Variants in DMXL1 observed in about 807,000 individuals in gnomAD.
The protein encoded by DMXL1 is Dmx like 1.
DMXL1 carries 99 observed loss-of-function variants against 319.2 expected under a neutral mutation model. The observed-to-expected ratio is 0.31, with a 90% CI of 0.26 to 0.37. The LOEUF (loss-of-function observed/expected upper bound fraction) is 0.37. Among genes scored for constraint, DMXL1 ranks in the 10% least tolerant of loss-of-function variants. The pLI, the probability that DMXL1 is intolerant of heterozygous loss-of-function variation, is 1.00. For missense variants in DMXL1, 3,745 were observed against 3,595.6 expected (o/e 1.04, Z -1.06); for synonymous variants, 1,385 against 1,235.2 (o/e 1.12, Z -2.54).
chr5:119,150,371 C>A lies in DMXL1; in HGVS notation c.4544C>A (p.Thr1515Lys), dbSNP rs771418566. 1.2e-6 allele frequency: 2 copies of A among 1,613,670 alleles called. No homozygotes were observed. The highest frequency in any genetic ancestry group is 1.3e-5 in the African/African-American group (1 of 75,010). ...ATGTCTTTGATGGCCTTAGCAGATACAATTGCAACTACAAGCACTGATATT... is the reference window on the plus strand; with the variant it reads ...ATGTCTTTGATGGCCTTAGCAGATAAAATTGCAACTACAAGCACTGATATT... ...EQMSLMALADTIATTSTDIGE... is the reference protein window; with the variant it reads ...EQMSLMALADKIATTSTDIGE... Residue 1515 changes from threonine (T) to lysine (K), a missense_variant, in exon 18 of 44, where the codon ACA (threonine) becomes AAA (lysine). Thr to Lys is a moderately conservative substitution (Grantham distance 78). This residue lies in a region of DMXL1 where 2,096 missense variants were observed against 1,985.4 expected (regional missense o/e 1.06). Coordinates refer to ENST00000539542, the MANE Select transcript of DMXL1 (RefSeq NM_001290321.3).
rs1420631991 is a variant in DMXL1 at position 119,165,938 on chromosome 5, AG to A, written c.4970+661del. On this transcript the variant is annotated intron_variant, in intron 21 of 43. Transcript: ENST00000539542. ...TAAACCAGAAACTTATGCTTGGGACAGGGAAGAAGATGAATTAAATGGTGGA... is the reference window on the plus strand; with the variant it reads ...TAAACCAGAAACTTATGCTTGGGACAGGAAGAAGATGAATTAAATGGTGGA... Among the ~76,000 whole-genome samples the A allele has an allele frequency of 2.0e-5, 3 of 152,352 alleles. No homozygotes were observed. In the East Asian group the frequency reaches 5.8e-4, roughly 29 times the overall value.
chr5:119,125,994 C>A (rs1483909981), intron 9 of DMXL1, among the ~76,000 whole-genome samples: 1 of 151,998 alleles, frequency 6.6e-6, no homozygotes, highest in Non-Finnish European at 1.5e-5. Flanking sequence ...CTGTGTTAGA[C>A]TAAATTATGT....
intron 6 of DMXL1, 113 bp from the exon 7 acceptor site, chr5:119,116,045 C>T: frequency 1.1e-6 from 1 of 935,404 alleles, no homozygotes; most frequent in East Asian, 2.6e-5. Context: ...TGCTCAACGT[C>T]TCTTCCCATC....
chr5:119,097,948 T>A, intron 1 of DMXL1, 31 bp from the exon 2 acceptor site: 1 of 1,546,304 alleles, frequency 6.5e-7, no homozygotes, highest in Non-Finnish European at 8.8e-7. Flanking sequence ...TCCTTGACAC[T>A]TTTATCATTT....
At chr5:119,217,576 G>C (rs1460319885) in intron 35 of DMXL1, among the ~76,000 whole-genome samples, 1 of 152,002 alleles carries the variant, frequency 6.6e-6, no homozygotes, top group Non-Finnish European at 1.5e-5. Context: ...GGTTCCTAAT[G>C]ACTTCTAGTT....
intron 28 of DMXL1, among the ~76,000 whole-genome samples, chr5:119,183,633 T>C (rs1303685935): frequency 1.3e-5 from 2 of 151,910 alleles, no homozygotes; most frequent in South Asian, 4.2e-4. Context: ...CCACCACACC[T>C]GGCTAATTTT....
intron 38 of DMXL1, among the ~76,000 whole-genome samples, chr5:119,227,002 A>G (rs1311075828): frequency 2.0e-5 from 3 of 152,274 alleles, no homozygotes; most frequent in South Asian, 2.1e-4. Context: ...AAGAGTTTTT[A>G]TAGAACTTAA....
At chr5:119,219,126 A>G (rs1784203273) in intron 35 of DMXL1, among the ~76,000 whole-genome samples, 2 of 152,168 alleles carry the variant, frequency 1.3e-5, no homozygotes, top group Admixed American at 6.5e-5. Flanking sequence ...AGCACTTTAC[A>G]CTGGTTGCCT....
At chr5:119,090,113 C>T (rs1034042424) in intron 1 of DMXL1, among the ~76,000 whole-genome samples, 18 of 132,942 alleles carry the variant, frequency 1.4e-4, no homozygotes, top group African/African-American at 2.5e-4. Flanking sequence ...CTCTGCCTCC[C>T]GGGTTCAAGT....
At position 119,110,260 on chromosome 5, in the gene DMXL1, T is replaced by C; in HGVS notation, c.474T>C (p.Asp158=). The change falls in exon 5 of 44, where the codon GAT becomes GAC. Residue 158 remains aspartate (D), a synonymous_variant. Coordinates refer to ENST00000539542, the MANE Select transcript of DMXL1 (RefSeq NM_001290321.3). ...NLNKTDLNFG[D]WKCIWHCKTA... is the part of the protein sequence containing the mutation. ...ATAAAACAGATCTTAACTTTGGAGA[T>C]TGGAAATGCATTTGGCATTGCAAGT... The C allele has an allele frequency of 1.9e-6, 3 of 1,573,560 alleles. No homozygotes were observed. The highest frequency in any genetic ancestry group is 1.2e-5 in the South Asian group (1 of 83,764).
intron 13 of DMXL1, among the ~76,000 whole-genome samples, chr5:119,142,517 T>TAAA (rs148846123): frequency 5.1e-4 from 32 of 62,270 alleles, no homozygotes; most frequent in Non-Finnish European, 4.1e-4. Context: ...TATTAAAAAG[T>TAAA]AAAAAAAAAA....
At chr5:119,215,875 C>T (rs796133699) in intron 34 of DMXL1, among the ~76,000 whole-genome samples, 41 of 152,078 alleles carry the variant, frequency 2.7e-4, no homozygotes, top group African/African-American at 8.2e-4. Flanking sequence ...GTGGCCAAAT[C>T]ACCTGAAGTC....
In DMXL1 at chr5:119,076,329, GTTT is replaced by G. The variant is rs1157212198; in HGVS notation, c.87+4675_87+4677del. On this transcript the variant is annotated intron_variant, in intron 1 of 43. Transcript: ENST00000539542. ...AATAAGCATCCTTGAGTTTAGCTCTGTTTTGTTTACTTTAAGGAAACCTTTATT... is the reference window on the plus strand; with the variant it reads ...AATAAGCATCCTTGAGTTTAGCTCTGTGTTTACTTTAAGGAAACCTTTATT... 2.0e-5 allele frequency among the ~76,000 whole-genome samples: 3 copies of G among 151,962 alleles called. No individual in the cohort carries two copies. In the East Asian group the frequency reaches 5.8e-4, roughly 29 times the overall value.
At chr5:119,165,304 A>T in intron 21 of DMXL1, 24 bp downstream of exon 21, 1 of 965,748 alleles carries the variant, frequency 1.0e-6, no homozygotes, top group Non-Finnish European at 1.5e-6. Context: ...AAAAAAAAAA[A>T]GGGTGCTTCA....
intron 2 of DMXL1, 95 bp downstream of exon 2, chr5:119,098,199 T>C: frequency 7.1e-7 from 1 of 1,414,668 alleles, no homozygotes. Flanking sequence ...ATTAGAGACT[T>C]GGCTTTGTTT....
chr5:119,205,738 A>T (rs562092875), intron 33 of DMXL1, among the ~76,000 whole-genome samples: 1 of 152,206 alleles, frequency 6.6e-6, no homozygotes, highest in Admixed American at 6.6e-5. Context: ...ATAGTAAAGC[A>T]TAGATTTGAA....
At chr5:119,129,182 T>G (rs1334067145) in intron 9 of DMXL1, 29 bp from the exon 10 acceptor site, 1 of 1,442,138 alleles carries the variant, frequency 6.9e-7, no homozygotes, top group African/African-American at 1.4e-5. Context: ...AGGTAAAAAT[T>G]TTAATTTTAT....
chr5:119,189,930 G>T (rs1778413759), intron 29 of DMXL1, 44 bp downstream of exon 29: 1 of 1,535,274 alleles, frequency 6.5e-7, no homozygotes, highest in Admixed American at 1.9e-5. Context: ...TAGTCAAATA[G>T]AAATGAGAAT....
chr5:119,205,806 A>G (rs1250745269), intron 33 of DMXL1, among the ~76,000 whole-genome samples: 1 of 152,124 alleles, frequency 6.6e-6, no homozygotes, highest in African/African-American at 2.4e-5. Flanking sequence ...AAAGGTTACT[A>G]GCCTATTTTT....
Sources: gnomAD v4.1 joint callset for allele counts (sites outside exome capture counted in the v4.1 genomes callset) on GRCh38, gnomAD v4.1.1 for gene constraint, gnomAD v4.1.1 regional missense constraint, MANE v1.5 for transcripts, NCBI Gene and HGNC (gene_info 2026-07-23, HGNC 2026-07-21) for gene names.